The following GPC5 variants were observed in gnomAD, a reference collection of about 807,000 sequenced individuals.
The protein encoded by GPC5 is glypican 5.
GPC5 carries 47 observed loss-of-function variants against 53.9 expected under a neutral mutation model. The ratio of observed to expected loss-of-function variants is 0.87; its 90% CI spans 0.69 to 1.11. The LOEUF (loss-of-function observed/expected upper bound fraction) is 1.11, where lower values mean the gene tolerates loss of function less well. GPC5 is among the 50% of genes most tolerant of loss of function. The probability of loss-of-function intolerance (pLI) is 0.00; values close to 1 mark genes in which losing one functional copy is unlikely to be tolerated. For synonymous variants in GPC5, 286 were observed against 263.3 expected (o/e 1.09, Z -0.84); for missense variants, 748 against 713.1 (o/e 1.05, Z -0.56).
chr13:91,818,321 A>G (rs756837029), intron 5 of GPC5, among the ~76,000 whole-genome samples: 1 of 152,220 alleles, frequency 6.6e-6, no homozygotes, highest in Non-Finnish European at 1.5e-5. Flanking sequence ...TCAGACTGGG[A>G]CAAATATTTC....
intron 7 of GPC5, among the ~76,000 whole-genome samples, chr13:92,611,652 C>T (rs576319428): frequency 9.2e-5 from 14 of 152,186 alleles, no homozygotes; most frequent in Non-Finnish European, 1.6e-4. Flanking sequence ...ATGCTCAGGA[C>T]TATGTCCTAG....
chr13:91,491,993 T>C (rs1169646500), intron 2 of GPC5, among the ~76,000 whole-genome samples: 2 of 152,224 alleles, frequency 1.3e-5, no homozygotes, highest in Non-Finnish European at 2.9e-5. Context: ...CACTCATGTC[T>C]GTTGAATACT....
At chr13:92,230,303 T>C (rs570997795) in intron 7 of GPC5, among the ~76,000 whole-genome samples, 4 of 152,316 alleles carry the variant, frequency 2.6e-5, no homozygotes, top group African/African-American at 9.6e-5. Context: ...AGTGTTGTGC[T>C]AGAACTACGA....
chr13:92,075,168 A>G (rs1223423771), intron 6 of GPC5, among the ~76,000 whole-genome samples: 1 of 152,142 alleles, frequency 6.6e-6, no homozygotes, highest in Non-Finnish European at 1.5e-5. Context: ...TTATATTAGT[A>G]CATGTTAACT....
chr13:92,832,534 G>T (rs1878081983), intron 7 of GPC5, among the ~76,000 whole-genome samples: 1 of 152,150 alleles, frequency 6.6e-6, no homozygotes, highest in Non-Finnish European at 1.5e-5. Flanking sequence ...TAAGAAAGGA[G>T]TTACTGTATC....
intron 5 of GPC5, among the ~76,000 whole-genome samples, chr13:91,790,684 G>C (rs1177761257): frequency 6.6e-6 from 1 of 152,192 alleles, no homozygotes; most frequent in African/African-American, 2.4e-5. Flanking sequence ...GTGATAAACT[G>C]AGAACTTGTA....
intron 6 of GPC5, among the ~76,000 whole-genome samples, chr13:92,122,205 C>T (rs1220527307): frequency 6.6e-6 from 1 of 151,816 alleles, no homozygotes; most frequent in Non-Finnish European, 1.5e-5. Context: ...ATTTAGGGTG[C>T]CTTTTGTCTT....
chr13:92,157,468 G>T (rs1417166014), intron 7 of GPC5, among the ~76,000 whole-genome samples: 1 of 152,114 alleles, frequency 6.6e-6, no homozygotes, highest in African/African-American at 2.4e-5. Context: ...GGGAGATAGG[G>T]GTTCTGTCTT....
chr13:91,527,473 C>G (rs1821313956), intron 2 of GPC5, among the ~76,000 whole-genome samples: 1 of 152,256 alleles, frequency 6.6e-6, no homozygotes, highest in South Asian at 2.1e-4. Context: ...CCTTGTGGCT[C>G]TGGTGGGCAC....
At chr13:92,588,698 T>A (rs767981322) in intron 7 of GPC5, among the ~76,000 whole-genome samples, 1 of 152,206 alleles carries the variant, frequency 6.6e-6, no homozygotes, top group Non-Finnish European at 1.5e-5. Flanking sequence ...GTAGTAGGAC[T>A]CCATAAGACA....
rs998483941 is a variant in GPC5, at chr13:91,969,934, G to C, written c.1401+61877G>C. On this transcript the variant is annotated intron_variant, in intron 6 of 7. Transcript: ENST00000377067. ...GCACTGTTCATGGAAATATAATTTG[G>C]TACAACGAGTATGGAAAACAGCATG... Among the ~76,000 whole-genome samples the C allele has an allele frequency of 2.6e-5, 4 of 152,212 alleles. No homozygotes were observed. In the East Asian group the frequency reaches 7.7e-4, roughly 29 times the overall value.
At chr13:91,969,501 GA>G (rs933919172) in intron 6 of GPC5, among the ~76,000 whole-genome samples, 57 of 151,054 alleles carry the variant, frequency 3.8e-4, no homozygotes, top group African/African-American at 7.5e-4. Flanking sequence ...GAGCACAGAT[GA>G]AAAAAAATAA....
intron 7 of GPC5, among the ~76,000 whole-genome samples, chr13:92,663,730 ATATC>A (rs1886442675): frequency 1.2e-5 from 1 of 83,572 alleles, no homozygotes; most frequent in Non-Finnish European, 3.1e-5. Context: ...TCTACTAAAT[ATATC>A]TACTATATAT....
intron 5 of GPC5, among the ~76,000 whole-genome samples, chr13:91,827,771 G>A (rs1311277823): frequency 6.6e-6 from 1 of 152,034 alleles, no homozygotes; most frequent in African/African-American, 2.4e-5. Flanking sequence ...ACTTTGGAAT[G>A]TGTTTTTTGA....
rs556281535 is a variant in GPC5, at chr13:92,739,475, G to A, written c.1562-126807G>A. Among the ~76,000 whole-genome samples, 4 of 152,102 alleles carry A rather than the reference G, an allele frequency of 2.6e-5. No individual in the cohort carries two copies. The East Asian group carries it at 5.8e-4, about 22-fold the overall frequency. On this transcript the variant is annotated intron_variant, in intron 7 of 7. Transcript: ENST00000377067. ...TGCTCTCAGATCATTCAACAAAGAT[G>A]AGCAATTGAACAAGCCTTTCTGCAA...
intron 7 of GPC5, among the ~76,000 whole-genome samples, chr13:92,494,536 T>C (rs994525971): frequency 3.3e-5 from 5 of 152,252 alleles, no homozygotes; most frequent in Non-Finnish European, 5.9e-5. Flanking sequence ...ATTTTTCTTT[T>C]CGTATTCTAA....
chr13:91,581,943 A>G (rs890331025), intron 2 of GPC5, among the ~76,000 whole-genome samples: 10 of 152,194 alleles, frequency 6.6e-5, no homozygotes, highest in African/African-American at 2.4e-4. Flanking sequence ...CCAGCCTGCT[A>G]ACAAATAATT....
At chr13:92,188,606 T>C (rs1374818029) in intron 7 of GPC5, among the ~76,000 whole-genome samples, 1 of 152,220 alleles carries the variant, frequency 6.6e-6, no homozygotes, top group Non-Finnish European at 1.5e-5. Context: ...AAATGAATCA[T>C]TCCACATTTA....
rs76250286 is a variant in GPC5 at position 91,668,487 on chromosome 13, A to G, written c.326-24700A>G. Among the ~76,000 whole-genome samples the G allele has an allele frequency of 3.2e-3, 486 of 152,306 alleles. 6 individuals are homozygous for G. Among genetic ancestry groups the G allele is most frequent in the African/African-American group, 0.011 (465 of 41,558 alleles). On this transcript the variant is annotated intron_variant, in intron 2 of 7. Coordinates refer to ENST00000377067, the MANE Select transcript of GPC5 (RefSeq NM_004466.6). Reference sequence around the variant, plus strand: ...AAATGCATGTATTACAGTTGCTGGAATATTTGACATTATGTTATTATATGT... The same window carrying G: ...AAATGCATGTATTACAGTTGCTGGAGTATTTGACATTATGTTATTATATGT...
Sources: gnomAD v4.1 joint callset for allele counts (sites outside exome capture counted in the v4.1 genomes callset) on GRCh38, gnomAD v4.1.1 for gene constraint, MANE v1.5 for transcripts, NCBI Gene and HGNC (gene_info 2026-07-23, HGNC 2026-07-21) for gene names.